The following DNM2 variants were observed in gnomAD, a reference collection of about 807,000 sequenced individuals.
The protein encoded by DNM2 is dynamin 2.
Under a neutral mutation model 99.0 loss-of-function variants are expected in DNM2, and 15 were observed. The ratio of observed to expected loss-of-function variants is 0.15; its 90% CI spans 0.10 to 0.23. The LOEUF is 0.23. DNM2 is among the 10% of genes least tolerant of loss of function. The pLI, the probability that DNM2 is intolerant of heterozygous loss-of-function variation, is 1.00. For missense variants in DNM2, 742 were observed against 1,189.4 expected (o/e 0.62, Z 5.53); for synonymous variants, 525 against 481.2 (o/e 1.09, Z -1.19).
rs1163353427 is a variant in DNM2 at position 10,830,749 on chromosome 19, G to A, written c.2544-229G>A. On this transcript the variant is annotated intron_variant, in intron 20 of 20. Coordinates refer to ENST00000389253, the MANE Select transcript of DNM2 (RefSeq NM_001005361.3). This position sits in a 1 kb window ranked among gnomAD's most constrained non-coding sequence, Gnocchi z 4.8. ...TTTATTCTCCCCACTTCTCCGGTGG[G>A]GAAGCTGAGGCCCAGGGAGGGCAGG... Among the ~76,000 whole-genome samples, 2 of 152,148 alleles carry A rather than the reference G, an allele frequency of 1.3e-5. No individual in the cohort carries two copies. The highest frequency in any genetic ancestry group is 1.9e-4 in the East Asian group (1 of 5,174).
At chr19:10,740,829 A>G (rs1259538539) in intron 1 of DNM2, among the ~76,000 whole-genome samples, 1 of 152,182 alleles carries the variant, frequency 6.6e-6, no homozygotes, top group African/African-American at 2.4e-5. Flanking sequence ...CTTCTTTGAT[A>G]CATAGGTTAT....
intron 6 of DNM2, among the ~76,000 whole-genome samples, chr19:10,784,701 C>A (rs1334357266): frequency 6.6e-6 from 1 of 152,194 alleles, no homozygotes; most frequent in African/African-American, 2.4e-5. Context: ...GGGCAGGGAC[C>A]CTTGGTCACG....
At chr19:10,731,205 C>T (rs2069302377) in intron 1 of DNM2, among the ~76,000 whole-genome samples, 1 of 152,070 alleles carries the variant, frequency 6.6e-6, no homozygotes, top group African/African-American at 2.4e-5. Flanking sequence ...GCTGTCCTGG[C>T]CATGAGACTT....
At chr19:10,728,537 T>C (rs1267126412) in intron 1 of DNM2, among the ~76,000 whole-genome samples, 2 of 152,140 alleles carry the variant, frequency 1.3e-5, no homozygotes, top group Non-Finnish European at 2.9e-5. Flanking sequence ...TGGATATGCA[T>C]CGAGGTTGTC....
intron 5 of DNM2, chr19:10,781,793 A>G (rs1321745171): frequency 6.6e-6 from 1 of 152,086 alleles, no homozygotes; most frequent in African/African-American, 2.4e-5. Context: ...CAGGAGTGCA[A>G]TGGTAGGCAT....
Position 10,718,100 on chromosome 19 carries a change from C to T in DNM2, c.-143C>T. On this transcript the variant is annotated 5_prime_UTR_variant, in exon 1 of 21. Transcript: ENST00000389253. Reference sequence around the variant, plus strand: ...GCCTGAGAACCGGATGAGGCGGCGACCGTGAGGCCGAGCCGGGAGCGGGCG... The same window carrying T: ...GCCTGAGAACCGGATGAGGCGGCGATCGTGAGGCCGAGCCGGGAGCGGGCG... 3 of 1,006,848 alleles carry T rather than the reference C, an allele frequency of 3.0e-6. No individual in the cohort carries two copies. Among genetic ancestry groups the T allele is most frequent in the Non-Finnish European group, 2.6e-6 (2 of 779,924 alleles). 62.4% of individuals were successfully genotyped at this position (1,006,848 alleles called of 1,614,324 possible).
rs559448838 is a variant in DNM2 at position 10,830,605 on chromosome 19, T to G, written c.2543+227T>G. On this transcript the variant is annotated intron_variant, in intron 20 of 20. Transcript: ENST00000389253. This position sits in a 1 kb window ranked among gnomAD's most constrained non-coding sequence, Gnocchi z 4.8. ...TGACTCCGGGGCTCCCAGCTTGCCCTCTGCCTACTGGGGTGTGCCACCAGG... is the reference window on the plus strand; with the variant it reads ...TGACTCCGGGGCTCCCAGCTTGCCCGCTGCCTACTGGGGTGTGCCACCAGG... 211 of 624,190 alleles carry G rather than the reference T, an allele frequency of 3.4e-4. No individual in the cohort carries two copies. The South Asian group carries it at 4.2e-3, about 12-fold the overall frequency. 38.7% of individuals were successfully genotyped at this position (624,190 alleles called of 1,614,324 possible).
chr19:10,730,988 C>T (rs1004280442), intron 1 of DNM2, among the ~76,000 whole-genome samples: 2 of 152,192 alleles, frequency 1.3e-5, no homozygotes, highest in South Asian at 4.1e-4. Context: ...CCTCCATGCC[C>T]AGGTGAAGGA....
Position 10,777,228 on chromosome 19 carries a change from G to A in DNM2, c.688+12G>A, listed in dbSNP as rs557057188. On this transcript the variant is annotated intron_variant, in intron 5 of 20. Coordinates refer to ENST00000389253, the MANE Select transcript of DNM2 (RefSeq NM_001005361.3). Reference sequence around the variant, plus strand: ...CCCGTTGAGAAGAGGTGTGGCTTTGGGGGTGCTGGGGAAGCAGGAGGATGG... The same window carrying A: ...CCCGTTGAGAAGAGGTGTGGCTTTGAGGGTGCTGGGGAAGCAGGAGGATGG... The A allele has an allele frequency of 2.5e-6, 4 of 1,613,714 alleles. No individual in the cohort carries two copies. Among genetic ancestry groups the A allele is most frequent in the Non-Finnish European group, 3.4e-6 (4 of 1,179,842 alleles).
intron 18 of DNM2, among the ~76,000 whole-genome samples, chr19:10,828,152 T>A (rs1444784419): frequency 6.7e-6 from 1 of 150,222 alleles, no homozygotes; most frequent in Non-Finnish European, 1.5e-5. Flanking sequence ...AGCCGGGGGT[T>A]GGGGGGCACG....
intron 1 of DNM2, among the ~76,000 whole-genome samples, chr19:10,757,074 C>T (rs2070412913): frequency 6.6e-6 from 1 of 152,192 alleles, no homozygotes; most frequent in Admixed American, 6.5e-5. Context: ...GACCAGCCTC[C>T]TCATCATAAT....
rs73923285 is a variant in DNM2, at chr19:10,765,884, G to T, written c.235+6073G>T. Reference sequence around the variant, plus strand: ...GTGTTCTTTGCTGGGGGAACGGTGAGAAGATCCAGGGCAGAGCCCCAGTGT... The same window carrying T: ...GTGTTCTTTGCTGGGGGAACGGTGATAAGATCCAGGGCAGAGCCCCAGTGT... On this transcript the variant is annotated intron_variant, in intron 2 of 20. Transcript: ENST00000389253. The surrounding 1 kb of genome is among the most constrained non-coding windows in gnomAD (Gnocchi z 4.4). 0.011 allele frequency among the ~76,000 whole-genome samples: 1,703 copies of T among 152,326 alleles called. 38 individuals are homozygous for T. Among genetic ancestry groups the T allele is most frequent in the African/African-American group, 0.039 (1,608 of 41,576 alleles).
chr19:10,756,336 C>A (rs1173871022), intron 1 of DNM2, among the ~76,000 whole-genome samples: 1 of 152,184 alleles, frequency 6.6e-6, no homozygotes, highest in Middle Eastern at 3.4e-3. Context: ...CTCGCACCCA[C>A]CCCCGTCAGA....
intron 1 of DNM2, among the ~76,000 whole-genome samples, chr19:10,733,261 G>A (rs1269918091): frequency 1.3e-5 from 2 of 149,218 alleles, no homozygotes; most frequent in East Asian, 4.0e-4. Context: ...GCATGATGTC[G>A]GCTTACTGCA....
chr19:10,827,859 C>A (rs1467349646), intron 18 of DNM2, among the ~76,000 whole-genome samples: 2 of 151,036 alleles, frequency 1.3e-5, no homozygotes, highest in Non-Finnish European at 2.9e-5. Flanking sequence ...CAGAGGGAGA[C>A]TCTGTCTCAA....
At chr19:10,801,766 G>A (rs1047097457) in intron 11 of DNM2, among the ~76,000 whole-genome samples, 2 of 151,564 alleles carry the variant, frequency 1.3e-5, no homozygotes, top group African/African-American at 2.4e-5. Flanking sequence ...TTAGCTGGGC[G>A]TGGTGGCAGG....
chr19:10,772,182 C>T lies in DNM2; in HGVS notation c.236-297C>T, dbSNP rs1385816271. Among the ~76,000 whole-genome samples the T allele has an allele frequency of 6.6e-6, 1 of 151,960 alleles. No individual in the cohort carries two copies. The highest frequency in any genetic ancestry group is 2.4e-5 in the African/African-American group (1 of 41,374). On this transcript the variant is annotated intron_variant, in intron 2 of 20. Coordinates refer to ENST00000389253, the MANE Select transcript of DNM2 (RefSeq NM_001005361.3). The surrounding 1 kb of genome is among the most constrained non-coding windows in gnomAD (Gnocchi z 4.9). ...ACAACCTCCGCCTCCCGGGTTCAAG[C>T]AATTATCCTGCCTCAGCCTCCTGAG...
At chr19:10,808,534 G>A in intron 13 of DNM2, 35 bp from the exon 14 acceptor site, 1 of 1,609,222 alleles carries the variant, frequency 6.2e-7, no homozygotes, top group South Asian at 1.1e-5. Context: ...GCTCTTCCCT[G>A]ATTTACCCAC....
In DNM2 at chr19:10,775,585, G is replaced by T; in HGVS notation, c.386-118G>T. Reference sequence around the variant, plus strand: ...GTGTGGTTCAGGCAGAGTGTCAGGCGACATCCTCAAGTCTGAGCCCCGCGC... The same window carrying T: ...GTGTGGTTCAGGCAGAGTGTCAGGCTACATCCTCAAGTCTGAGCCCCGCGC... On this transcript the variant is annotated intron_variant, in intron 3 of 20. Transcript: ENST00000389253. The surrounding 1 kb of genome is among the most constrained non-coding windows in gnomAD (Gnocchi z 4.3). The T allele has an allele frequency of 9.0e-7, 1 of 1,112,278 alleles. No individual in the cohort carries two copies. 68.9% of individuals were successfully genotyped at this position (1,112,278 alleles called of 1,614,324 possible).
Sources: allele counts gnomAD v4.1 joint callset (sites outside exome capture counted in the v4.1 genomes callset), GRCh38; gene constraint gnomAD v4.1.1; non-coding constraint Gnocchi (gnomAD v3.1); transcripts MANE v1.5; gene names NCBI Gene and HGNC (gene_info 2026-07-23, HGNC 2026-07-21).